Variants in BCL2 observed in about 807,000 individuals in gnomAD.
BCL2 encodes apoptosis regulator Bcl-2.
A neutral mutation model predicts 14.2 loss-of-function variants in BCL2; 1 was observed. The ratio of observed to expected loss-of-function variants is 0.07; its 90% CI spans 0.02 to 0.33. BCL2 has a LOEUF of 0.33. BCL2 is among the 10% of genes least tolerant of loss of function. BCL2 has a pLI of 0.99. For missense variants in BCL2, 247 were observed against 305.9 expected (o/e 0.81, Z 1.44); for synonymous variants, 151 against 137.2 (o/e 1.10, Z -0.70).
intron 2 of BCL2, among the ~76,000 whole-genome samples, chr18:63,209,129 A>T (rs556437830): frequency 1.3e-4 from 20 of 152,200 alleles, no homozygotes; most frequent in African/African-American, 4.6e-4. Flanking sequence ...AAGCAACAGT[A>T]TTAATTCTTG....
intron 2 of BCL2, among the ~76,000 whole-genome samples, chr18:63,193,480 G>A (rs370561971): frequency 9.9e-5 from 15 of 152,102 alleles, no homozygotes; most frequent in South Asian, 8.3e-4. Flanking sequence ...GAATCATGCA[G>A]TATTTGTCCT....
At chr18:63,255,836 G>A (rs1457456030) in intron 2 of BCL2, among the ~76,000 whole-genome samples, 1 of 147,336 alleles carries the variant, frequency 6.8e-6, no homozygotes, top group Admixed American at 6.8e-5. Context: ...CTCCCCCCCC[G>A]CCACACACAC....
At chr18:63,213,372 G>A (rs762273920) in intron 2 of BCL2, among the ~76,000 whole-genome samples, 8 of 151,858 alleles carry the variant, frequency 5.3e-5, no homozygotes, top group Non-Finnish European at 1.0e-4. Context: ...ACCAATGTAG[G>A]TCCTCACACC....
At chr18:63,299,589 CTAAT>C (rs1912897779) in intron 2 of BCL2, among the ~76,000 whole-genome samples, 1 of 152,198 alleles carries the variant, frequency 6.6e-6, no homozygotes, top group Non-Finnish European at 1.5e-5. Context: ...CAGGAAAGGT[CTAAT>C]CAAACTCCTT....
intron 2 of BCL2, 190 bp downstream of exon 2, chr18:63,317,892 G>A: frequency 1.3e-5 from 19 of 1,425,878 alleles, no homozygotes; most frequent in Non-Finnish European, 1.7e-5. Flanking sequence ...TTAGATGGCA[G>A]GCGTTATCGG....
chr18:63,318,899 A>G lies in BCL2; in HGVS notation c.-233T>C. The G allele has an allele frequency of 7.1e-7, 1 of 1,412,060 alleles. No homozygotes were observed. The highest frequency in any genetic ancestry group is 9.3e-7 in the Non-Finnish European group (1 of 1,079,728). The allele number at this position is 1,412,060 out of a possible 1,614,324, so 87.5% of individuals were successfully genotyped here. A position where few individuals can be genotyped will look rare whatever the true frequency, so the allele number is the denominator to read the frequency against. On this transcript the variant is annotated 5_prime_UTR_variant, in exon 2 of 3. Transcript: ENST00000333681. The surrounding 1 kb of genome is among the most constrained non-coding windows in gnomAD (Gnocchi z 7.4). ...ATTCCTTTCGGATCTTTATTTCATG[A>G]GGCACGTTATTATTAGTAAGTATTG...
intron 2 of BCL2, among the ~76,000 whole-genome samples, chr18:63,292,985 A>T (rs1218347743): frequency 6.6e-6 from 1 of 152,116 alleles, no homozygotes; most frequent in Non-Finnish European, 1.5e-5. Context: ...CTGGACCCTC[A>T]CTTTGGTTGG....
intron 2 of BCL2, among the ~76,000 whole-genome samples, chr18:63,294,992 A>G (rs1230286320): frequency 7.8e-6 from 1 of 128,190 alleles, no homozygotes; most frequent in Non-Finnish European, 1.8e-5. Context: ...TCTCTACTGA[A>G]AATACCAAAA....
chr18:63,159,913 G>A (rs1914877619), intron 2 of BCL2, among the ~76,000 whole-genome samples: 1 of 152,096 alleles, frequency 6.6e-6, no homozygotes, highest in African/African-American at 2.4e-5. Context: ...TTTTCAGCGG[G>A]GTCATTTACA....
chr18:63,124,880 T>A lies in BCL2; in HGVS notation c.*3745A>T. 4.4e-6 allele frequency: 1 copy of A among 226,274 alleles called. No individual in the cohort carries two copies. Among genetic ancestry groups the A allele is most frequent in the East Asian group, 6.4e-5 (1 of 15,678 alleles). 14.0% of individuals were successfully genotyped at this position (226,274 alleles called of 1,614,324 possible). A position where few individuals can be genotyped will look rare whatever the true frequency, so the allele number is the denominator to read the frequency against. On this transcript the variant is annotated 3_prime_UTR_variant, in exon 3 of 3. Coordinates refer to ENST00000333681, the MANE Select transcript of BCL2 (RefSeq NM_000633.3). ...TTTCTCTGATAGAGTAGGTGTACAT[T>A]ACTAACTATAAGTGATAAGAAAGTC...
intron 2 of BCL2, among the ~76,000 whole-genome samples, chr18:63,304,981 G>C (rs1473187300): frequency 1.3e-5 from 2 of 152,186 alleles, no homozygotes; most frequent in South Asian, 4.1e-4. Flanking sequence ...GTTGAAAGGG[G>C]CTGTTTTACA....
chr18:63,171,219 C>A (rs1183265344), intron 2 of BCL2, among the ~76,000 whole-genome samples: 1 of 152,170 alleles, frequency 6.6e-6, no homozygotes, highest in East Asian at 1.9e-4. Flanking sequence ...GTATCAGTCC[C>A]TGTGCCAGGT....
chr18:63,295,186 AATT>A (rs930061989), intron 2 of BCL2, among the ~76,000 whole-genome samples: 1 of 150,882 alleles, frequency 6.6e-6, no homozygotes. Flanking sequence ...TAATAGTAAT[AATT>A]ATTATTATTA....
chr18:63,218,899 T>C (rs866094284), intron 2 of BCL2, among the ~76,000 whole-genome samples: 5 of 151,148 alleles, frequency 3.3e-5, no homozygotes, highest in African/African-American at 1.2e-4. Flanking sequence ...CAATTCTGAA[T>C]CTCATTTCTG....
chr18:63,235,469 C>T (rs1910802257), intron 2 of BCL2, among the ~76,000 whole-genome samples: 1 of 152,154 alleles, frequency 6.6e-6, no homozygotes, highest in Non-Finnish European at 1.5e-5. Flanking sequence ...CCATGTTTTG[C>T]AACGGACAAA....
At chr18:63,183,342 C>A (rs1331406535) in intron 2 of BCL2, among the ~76,000 whole-genome samples, 1 of 152,116 alleles carries the variant, frequency 6.6e-6, no homozygotes, top group African/African-American at 2.4e-5. Context: ...ATGCCCCCCA[C>A]CCCCACCCAG....
intron 2 of BCL2, among the ~76,000 whole-genome samples, chr18:63,214,832 C>T (rs1221718269): frequency 6.6e-6 from 1 of 152,022 alleles, no homozygotes; most frequent in Non-Finnish European, 1.5e-5. Context: ...TGCCTCAGCC[C>T]CCCAAGTAGC....
chr18:63,224,932 A>C (rs1336936758), intron 2 of BCL2, among the ~76,000 whole-genome samples: 1 of 152,190 alleles, frequency 6.6e-6, no homozygotes, highest in East Asian at 1.9e-4. Context: ...GAAAAGGCAA[A>C]GGGAAGTTCT....
intron 2 of BCL2, among the ~76,000 whole-genome samples, chr18:63,291,309 A>G (rs372402350): frequency 2.0e-5 from 3 of 152,182 alleles, no homozygotes; most frequent in South Asian, 2.1e-4. Context: ...TTGTTCCCCA[A>G]ATGAATTATT....
Sources: gnomAD v4.1 joint callset for allele counts (sites outside exome capture counted in the v4.1 genomes callset) on GRCh38, gnomAD v4.1.1 for gene constraint, Gnocchi (gnomAD v3.1) non-coding constraint, MANE v1.5 for transcripts, NCBI Gene and HGNC (gene_info 2026-07-23, HGNC 2026-07-21) for gene names.